MARCHF7: variants seen among roughly 807,000 people sequenced by gnomAD.
The protein encoded by MARCHF7 is membrane associated ring-CH-type finger 7, also known as E3 ubiquitin-protein ligase MARCHF7.
A neutral mutation model predicts 76.5 loss-of-function variants in MARCHF7; 20 were observed. The ratio of observed to expected loss-of-function variants is 0.26; its 90% confidence interval spans 0.18 to 0.38. The LOEUF is 0.38. MARCHF7 is among the 10% of genes least tolerant of loss of function. The probability of loss-of-function intolerance (pLI) is 1.00; values close to 1 mark genes in which losing one functional copy is unlikely to be tolerated. For missense variants in MARCHF7, 797 were observed against 812.9 expected, an observed-to-expected ratio of 0.98 and a Z score of 0.24; for synonymous variants, 295 against 293.0, an observed-to-expected ratio of 1.01 and a Z score of -0.07.
chr2:159,763,161 C>G (rs572567026), intron 10 of MARCHF7, among the ~76,000 whole-genome samples, 168 bp downstream of exon 10: 29 of 152,066 alleles, frequency 1.9e-4, no homozygotes, highest in Non-Finnish European at 3.5e-4. Flanking sequence ...TTGCTGTCTT[C>G]TATAACAAGC....
At chr2:159,739,811 T>C (rs532094474) in intron 4 of MARCHF7, among the ~76,000 whole-genome samples, 5 of 152,356 alleles carry the variant, frequency 3.3e-5, no homozygotes, top group East Asian at 1.9e-4. Context: ...TATACTGATA[T>C]GTATATCTAT....
chr2:159,725,904 T>C (rs1702108297), intron 3 of MARCHF7, among the ~76,000 whole-genome samples: 1 of 152,194 alleles, frequency 6.6e-6, no homozygotes, highest in Admixed American at 6.5e-5. Context: ...TCAGATGACA[T>C]TCAGAAATCT....
chr2:159,747,694 T>A, intron 6 of MARCHF7, 111 bp from the exon 7 acceptor site: 3 of 989,860 alleles, frequency 3.0e-6, no homozygotes, highest in Admixed American at 2.7e-5. Flanking sequence ...AGTTACAATA[T>A]AACAGTATTA....
intron 3 of MARCHF7, among the ~76,000 whole-genome samples, chr2:159,727,129 T>TA (rs1226206453): frequency 2.0e-5 from 3 of 152,146 alleles, no homozygotes; most frequent in African/African-American, 4.8e-5. Flanking sequence ...TATTCAGCCT[T>TA]AAAAAAGGAA....
In MARCHF7 at chr2:159,743,144, A is replaced by G. The variant is rs764903380; in HGVS notation, c.237A>G (p.Arg79=). ...ESEITQGARS[R]SQNQQRDHDS... ...AGATAACTCAGGGAGCACGCTCAAG[A>G]TCGCAGAACCAGCAACGGGATCATG... The change falls in exon 5 of 12, where the codon AGA becomes AGG. Residue 79 remains arginine (R), a synonymous_variant. Coordinates refer to ENST00000409175, the MANE Select transcript of MARCHF7 (RefSeq NM_001282805.2). 5 of 1,614,106 alleles carry G rather than the reference A, an allele frequency of 3.1e-6. No individual in the cohort carries two copies. The highest frequency in any genetic ancestry group is 2.7e-5 in the African/African-American group (2 of 74,948).
Position 159,770,476 on chromosome 2 carries a change from C to A in MARCHF7, c.*3134C>A, listed in dbSNP as rs1708106354. 6.6e-6 allele frequency: 1 copy of A among 152,124 alleles called. No homozygotes were observed. The highest frequency in any genetic ancestry group is 2.4e-5 in the African/African-American group (1 of 41,426). 9.4% of individuals were successfully genotyped at this position (152,124 alleles called of 1,614,324 possible). ...TAAAAAGAGACTACACAAGCTGGAA[C>A]TTTGTTGCCATTAGTCAAGCTAGTG... On this transcript the variant is annotated 3_prime_UTR_variant, in exon 12 of 12. Coordinates refer to ENST00000409175, the MANE Select transcript of MARCHF7 (RefSeq NM_001282805.2).
At chr2:159,723,596 T>C (rs898505740) in intron 3 of MARCHF7, among the ~76,000 whole-genome samples, 1 of 152,226 alleles carries the variant, frequency 6.6e-6, no homozygotes, top group African/African-American at 2.4e-5. Flanking sequence ...ACAGTGTGCT[T>C]ATACTGTTAT....
In MARCHF7 at chr2:159,748,973, CTTTTCTTTT is replaced by C. The variant is rs1248493011; in HGVS notation, c.1613+75_1613+83del. On this transcript the variant is annotated intron_variant, in intron 7 of 11. Transcript: ENST00000409175. ...AAAGAACTCTTCATTTCTTTTTTTT[CTTTTCTTTT>C]TTTTTTTTTTTTTTGAGACGGAGTC... The C allele has an allele frequency of 7.1e-3, 4,872 of 683,120 alleles. 48 individuals carry two copies. Among genetic ancestry groups the C allele is most frequent in the South Asian group, 0.017 (512 of 30,896 alleles). The allele number at this position is 683,120 out of a possible 1,614,324, so 42.3% of individuals were successfully genotyped here.
chr2:159,762,401 G>A (rs1258518569), intron 9 of MARCHF7, among the ~76,000 whole-genome samples: 1 of 152,186 alleles, frequency 6.6e-6, no homozygotes, highest in East Asian at 1.9e-4. Context: ...ATTTCTGTGT[G>A]AATGATTAAT....
At chr2:159,752,332 A>T in intron 7 of MARCHF7, 70 bp from the exon 8 acceptor site, 5 of 1,372,994 alleles carry the variant, frequency 3.6e-6, no homozygotes, top group Non-Finnish European at 4.8e-6. Context: ...AAAGCTTGTG[A>T]TTATGTATGA....
intron 10 of MARCHF7, 77 bp downstream of exon 10, chr2:159,763,070 T>A (rs1707308005): frequency 1.3e-6 from 1 of 750,532 alleles, no homozygotes; most frequent in Non-Finnish European, 2.1e-6. Flanking sequence ...TTGTTTCATA[T>A]GTTGACATCT....
intron 3 of MARCHF7, among the ~76,000 whole-genome samples, chr2:159,728,201 C>CA (rs1316852145): frequency 6.6e-6 from 1 of 152,040 alleles, no homozygotes; most frequent in African/African-American, 2.4e-5. Flanking sequence ...GTACCTGTCT[C>CA]ACAGGGTTGG....
chr2:159,728,725 C>T (rs1328876502), intron 3 of MARCHF7, among the ~76,000 whole-genome samples: 1 of 152,066 alleles, frequency 6.6e-6, no homozygotes, highest in Non-Finnish European at 1.5e-5. Context: ...ATGTAATAGA[C>T]AAAATTGAGT....
intron 4 of MARCHF7, among the ~76,000 whole-genome samples, chr2:159,734,288 A>G (rs1574284643): frequency 6.6e-6 from 1 of 150,798 alleles, no homozygotes; most frequent in East Asian, 1.9e-4. Flanking sequence ...GAGGCTTTTT[A>G]TAAGGTTGTA....
chr2:159,722,020 T>G (rs1464279086), intron 3 of MARCHF7, among the ~76,000 whole-genome samples: 1 of 152,228 alleles, frequency 6.6e-6, no homozygotes, highest in Non-Finnish European at 1.5e-5. Context: ...TCATTGACCA[T>G]TGAGGAAAGA....
In MARCHF7 at chr2:159,748,292, T is replaced by C; in HGVS notation, c.1002T>C (p.Ser334=). 6.2e-7 allele frequency: 1 copy of C among 1,613,372 alleles called. No individual in the cohort carries two copies. The highest frequency in any genetic ancestry group is 8.5e-7 in the Non-Finnish European group (1 of 1,179,908). ...CCCGTAGTAATGTACCATCAGCTTC[T>C]GAAGTTCCCGATAATAGGGCATCTG... ...SQSRSNVPSA[S]EVPDNRASEA... Residue 334 remains serine (S), a synonymous_variant, in exon 7 of 12, where the codon TCT becomes TCC. Coordinates refer to ENST00000409175, the MANE Select transcript of MARCHF7 (RefSeq NM_001282805.2).
intron 8 of MARCHF7, among the ~76,000 whole-genome samples, chr2:159,754,189 G>C (rs1336079026): frequency 6.6e-6 from 1 of 152,144 alleles, no homozygotes; most frequent in East Asian, 1.9e-4. Context: ...AGATATCAAA[G>C]AAATAGGCCC....
intron 9 of MARCHF7, among the ~76,000 whole-genome samples, chr2:159,761,773 G>T (rs1446427881): frequency 6.6e-6 from 1 of 152,084 alleles, no homozygotes; most frequent in Non-Finnish European, 1.5e-5. Flanking sequence ...TTGGTACTAA[G>T]AACATAGAGT....
intron 4 of MARCHF7, among the ~76,000 whole-genome samples, chr2:159,742,703 C>T (rs1302353533): frequency 6.6e-6 from 1 of 152,098 alleles, no homozygotes; most frequent in Non-Finnish European, 1.5e-5. Flanking sequence ...ATCCCAGCGG[C>T]CGAGGCAGGC....
Sources: allele counts gnomAD v4.1 joint callset (sites outside exome capture counted in the v4.1 genomes callset), GRCh38; gene constraint gnomAD v4.1.1; transcripts MANE v1.5; gene names NCBI Gene and HGNC (gene_info 2026-07-23, HGNC 2026-07-21).